SVEP1: variants seen among roughly 807,000 people sequenced by gnomAD.
SVEP1 encodes the protein sushi, von Willebrand factor type A, EGF and pentraxin domain containing 1, also known as sushi, von Willebrand factor type A, EGF and pentraxin domain-containing protein 1.
A neutral mutation model predicts 367.3 loss-of-function variants in SVEP1; 164 were observed. The ratio of observed to expected loss-of-function variants is 0.45; its 90% CI spans 0.39 to 0.51. SVEP1 has a LOEUF of 0.51. SVEP1 is among the 20% of genes least tolerant of loss of function. The pLI, the probability that SVEP1 is intolerant of heterozygous loss-of-function variation, is 0.00. For synonymous variants in SVEP1, 1,666 were observed against 1,611.6 expected (o/e 1.03, Z -0.81); for missense variants, 4,117 against 4,425.3 (o/e 0.93, Z 1.98).
In SVEP1 at chr9:110,408,798, G is replaced by C; in HGVS notation, c.6802C>G (p.Pro2268Ala). The C allele has an allele frequency of 6.2e-7, 1 of 1,613,142 alleles. No individual in the cohort carries two copies. The highest frequency in any genetic ancestry group is 8.5e-7 in the Non-Finnish European group (1 of 1,179,890). ...MCVPLDCGKP[P>A]PIQNGFMKGE... ...TTCATGAAGCCATTCTGGATCGGGG[G>C]AGGTTTTCCACAGTCGAGAGGAACA... The change falls in exon 38 of 48, where the codon CCC (proline) becomes GCC (alanine). Residue 2268 changes from proline to alanine, a missense_variant. Physicochemically the swap from Pro to Ala is conservative, Grantham distance 27. Transcript: ENST00000374469.
At chr9:110,373,758 TAA>T (rs10714632) in intron 46 of SVEP1, among the ~76,000 whole-genome samples, 4 of 150,514 alleles carry the variant, frequency 2.7e-5, no homozygotes, top group Admixed American at 6.6e-5. Flanking sequence ...ATAAAGATGA[TAA>T]AAAAAAAATC....
intron 27 of SVEP1, 60 bp downstream of exon 27, chr9:110,443,485 C>T: frequency 3.0e-6 from 4 of 1,332,298 alleles, no homozygotes; most frequent in Non-Finnish European, 3.9e-6. Context: ...ACCTGATGTC[C>T]ATTTAAGCAG....
chr9:110,559,835 T>C (rs1830402242), intron 1 of SVEP1, among the ~76,000 whole-genome samples: 1 of 152,132 alleles, frequency 6.6e-6, no homozygotes, highest in South Asian at 2.1e-4. Context: ...AGCACACTAG[T>C]TAAATAAATT....
At chr9:110,513,186 G>A in intron 4 of SVEP1, 81 bp from the exon 5 acceptor site, 1 of 1,301,794 alleles carries the variant, frequency 7.7e-7, no homozygotes, top group Non-Finnish European at 1.0e-6. Flanking sequence ...TCTTTCAAGG[G>A]GGCATTTATG....
At chr9:110,542,375 G>A (rs536839628) in intron 3 of SVEP1, among the ~76,000 whole-genome samples, 7 of 152,164 alleles carry the variant, frequency 4.6e-5, no homozygotes, top group Admixed American at 3.9e-4. Context: ...GGTTACTTCT[G>A]GATCTAAAAG....
intron 36 of SVEP1, among the ~76,000 whole-genome samples, chr9:110,425,079 C>T (rs143099713): frequency 1.2e-3 from 185 of 152,256 alleles, no homozygotes; most frequent in African/African-American, 4.3e-3. Flanking sequence ...TCAGAGCACC[C>T]CTAAAAGGGC....
intron 3 of SVEP1, among the ~76,000 whole-genome samples, chr9:110,544,893 C>T (rs1830198931): frequency 6.6e-6 from 1 of 152,128 alleles, no homozygotes; most frequent in African/African-American, 2.4e-5. Context: ...TAATTTATAT[C>T]TGTTACCCAA....
chr9:110,395,904 G>A (rs1827750788), intron 40 of SVEP1, among the ~76,000 whole-genome samples: 2 of 151,684 alleles, frequency 1.3e-5, no homozygotes, highest in Non-Finnish European at 1.5e-5. Flanking sequence ...AATAATAATG[G>A]GAGACTTTAA....
chr9:110,459,726 A>G (rs112164481), intron 18 of SVEP1, among the ~76,000 whole-genome samples: 262 of 152,254 alleles, frequency 1.7e-3, no homozygotes, highest in African/African-American at 6.0e-3. Flanking sequence ...TTATACTCCC[A>G]TTAGTAGTGT....
chr9:110,504,201 C>T (rs1182887993), intron 5 of SVEP1, among the ~76,000 whole-genome samples: 1 of 149,048 alleles, frequency 6.7e-6, no homozygotes, highest in African/African-American at 2.5e-5. Context: ...ACTACAGGCG[C>T]CCTCTACCAC....
chr9:110,442,450 CTTTCTTT>C (rs1828523270), intron 27 of SVEP1: 3 of 145,124 alleles, frequency 2.1e-5, no homozygotes, highest in Non-Finnish European at 4.5e-5. Flanking sequence ...ACAATAATTT[CTTTCTTT>C]TTTCTTTTTT....
chr9:110,470,025 G>A (rs80153892), intron 16 of SVEP1, among the ~76,000 whole-genome samples: 3,577 of 152,294 alleles, frequency 0.023, 43 homozygotes, highest in Middle Eastern at 0.044. Context: ...AAGAACCCAC[G>A]TTTATGGAGA....
chr9:110,487,552 T>C (rs1829299467), intron 9 of SVEP1, among the ~76,000 whole-genome samples: 1 of 152,352 alleles, frequency 6.6e-6, no homozygotes, highest in East Asian at 1.9e-4. Context: ...AAACCTGTAA[T>C]GTATAGGGTA....
chr9:110,397,883 G>A (rs935395632), intron 40 of SVEP1, among the ~76,000 whole-genome samples: 5 of 152,020 alleles, frequency 3.3e-5, no homozygotes, highest in Non-Finnish European at 5.9e-5. Context: ...CTCATGGGTA[G>A]GAAGAATCAA....
At chr9:110,558,989 T>C (rs1157178960) in intron 1 of SVEP1, among the ~76,000 whole-genome samples, 1 of 152,040 alleles carries the variant, frequency 6.6e-6, no homozygotes, top group Non-Finnish European at 1.5e-5. Context: ...GAAAAGACAT[T>C]CAATAAAATT....
chr9:110,398,584 G>A (rs536048597), intron 40 of SVEP1, among the ~76,000 whole-genome samples: 4 of 152,110 alleles, frequency 2.6e-5, no homozygotes, highest in African/African-American at 9.6e-5. Flanking sequence ...AATTTTTCCA[G>A]CCTACTCATC....
intron 43 of SVEP1, 31 bp from the exon 44 acceptor site, chr9:110,379,548 G>A (rs1207388738): frequency 2.5e-6 from 4 of 1,610,088 alleles, no homozygotes; most frequent in Non-Finnish European, 3.4e-6. Flanking sequence ...AATTAAGCTT[G>A]TGCTATTAAC....
intron 14 of SVEP1, among the ~76,000 whole-genome samples, chr9:110,474,841 A>T (rs980632826): frequency 6.6e-5 from 10 of 152,144 alleles, no homozygotes; most frequent in African/African-American, 2.4e-4. Context: ...CGATGGGATA[A>T]TATTCAAACT....
intron 6 of SVEP1, among the ~76,000 whole-genome samples, chr9:110,501,261 C>T (rs1005100665): frequency 6.6e-6 from 1 of 150,422 alleles, no homozygotes; most frequent in African/African-American, 2.4e-5. Context: ...TTTCATCTCT[C>T]GGTAACATTT....
Sources: gnomAD v4.1 joint callset for allele counts (sites outside exome capture counted in the v4.1 genomes callset) on GRCh38, gnomAD v4.1.1 for gene constraint, MANE v1.5 for transcripts, NCBI Gene and HGNC (gene_info 2026-07-23, HGNC 2026-07-21) for gene names.